Variants in SRPRA observed in about 807,000 individuals in gnomAD.
SRPRA encodes signal recognition particle receptor subunit alpha.
Under a neutral mutation model 61.1 loss-of-function variants are expected in SRPRA, and 30 were observed. The ratio of observed to expected loss-of-function variants is 0.49; its 90% CI spans 0.37 to 0.67. The LOEUF (loss-of-function observed/expected upper bound fraction) is 0.67. Ranked by LOEUF, SRPRA falls within the 30% of genes least tolerant of loss-of-function variation. The pLI is 0.00. For synonymous variants in SRPRA, 324 were observed against 299.7 expected (o/e 1.08, Z -0.84); for missense variants, 759 against 828.4 (o/e 0.92, Z 1.03).
At chr11:126,262,233 A>C, downstream of SRPRA, 1 of 1,349,220 alleles carries the variant, frequency 7.4e-7, no homozygotes, top group Non-Finnish European at 1.1e-6. Context: ...CAATTCCCAG[A>C]AAGTAACAAT....
At chr11:126,255,422 T>C in the SRPRA span, among the ~76,000 whole-genome samples, 1 of 152,186 alleles carries the variant, frequency 6.6e-6, no homozygotes, top group Admixed American at 6.5e-5. The surrounding 1 kb of genome is among the most constrained non-coding windows in gnomAD (Gnocchi z 4.6). Context: ...CTGCCATAAC[T>C]GCATCCATCT....
At chr11:126,236,876 T>A in the SRPRA span, among the ~76,000 whole-genome samples, 1 of 151,722 alleles carries the variant, frequency 6.6e-6, no homozygotes, top group African/African-American at 2.4e-5. Flanking sequence ...TCTTTTTGTT[T>A]GTTCATTTTT....
intron 7 of SRPRA, 45 bp from the exon 8 acceptor site, chr11:126,266,126 G>T: frequency 6.2e-7 from 1 of 1,612,674 alleles, no homozygotes; most frequent in Non-Finnish European, 8.5e-7. Flanking sequence ...CCAGTAGGCA[G>T]GAGTTGTATC....
At chr11:126,250,662 A>G in the SRPRA span, 1 of 1,614,136 alleles carries the variant, frequency 6.2e-7, no homozygotes, top group African/African-American at 1.3e-5. This position sits in a 1 kb window ranked among gnomAD's most constrained non-coding sequence, Gnocchi z 5.1. Context: ...AAATTTTGAT[A>G]ATCTCTTGGA....
In SRPRA at chr11:126,266,874, G is replaced by C; in HGVS notation, c.575C>G (p.Ser192Ter). Reference sequence around the variant, plus strand: ...GTTCTCAGGACCCACTGGAAGACCTGACTTTTCTGCAGGGACTGGTTTGCT... The same window carrying C: ...GTTCTCAGGACCCACTGGAAGACCTCACTTTTCTGCAGGGACTGGTTTGCT... ...ATSKPVPAEK[S>*]GLPVGPENGV... Residue 192 changes from serine (S) to a stop codon, truncating the protein, a stop_gained, in exon 5 of 14, where the codon TCA (serine) becomes TGA (stop). Coordinates refer to ENST00000332118, the MANE Select transcript of SRPRA (RefSeq NM_003139.4). LOFTEE classifies it high-confidence loss of function. The C allele has an allele frequency of 6.2e-7, 1 of 1,614,202 alleles. No homozygotes were observed. The highest frequency in any genetic ancestry group is 8.5e-7 in the Non-Finnish European group (1 of 1,180,044).
Position 126,268,851 on chromosome 11 carries a change from G to A in SRPRA, c.-47C>T. 6.7e-7 allele frequency: 1 copy of A among 1,488,822 alleles called. No individual in the cohort carries two copies. Among genetic ancestry groups the A allele is most frequent in the Non-Finnish European group, 9.4e-7 (1 of 1,069,512 alleles). The allele number at this position is 1,488,822 out of a possible 1,614,324, so 92.2% of individuals were successfully genotyped here. On this transcript the variant is annotated 5_prime_UTR_variant, in exon 1 of 14. Coordinates refer to ENST00000332118, the MANE Select transcript of SRPRA (RefSeq NM_003139.4). ...GGGGCCGGCGCCGGGAATTCAGGCC[G>A]CGTTCGCCGCCGCTTCCTGCTGCGC...
intron 1 of SRPRA, 103 bp from the exon 2 acceptor site, chr11:126,268,189 A>C: frequency 1.1e-6 from 1 of 951,398 alleles, no homozygotes; most frequent in Admixed American, 2.1e-5. Flanking sequence ...ATTTCCCCCA[A>C]ACTCAAATCT....
chr11:126,254,193 C>T, the SRPRA span: 2 of 1,297,176 alleles, frequency 1.5e-6, no homozygotes, highest in Non-Finnish European at 2.1e-6. Context: ...TATCATGAAG[C>T]TAGAGAGTTT....
Position 126,265,837 on chromosome 11 carries a change from G to A in SRPRA, c.1052-14C>T, listed in dbSNP as rs576127827. On this transcript the variant is annotated splice_polypyrimidine_tract_variant and intron_variant, in intron 8 of 13. Coordinates refer to ENST00000332118, the MANE Select transcript of SRPRA (RefSeq NM_003139.4). The surrounding 1 kb of genome is among the most constrained non-coding windows in gnomAD (Gnocchi z 6.3). The stretch of plus-strand genomic sequence containing the variant: ...CCACGTTCTTAGCTGAGGAGAGGGG[G>A]ACAGGTATGTCAGTTCCATGTCAGC... 7 of 1,614,152 alleles carry A rather than the reference G, an allele frequency of 4.3e-6. No homozygotes were observed. Among genetic ancestry groups the A allele is most frequent in the African/African-American group, 4.0e-5 (3 of 75,062 alleles).
At chr11:126,239,190 G>A in the SRPRA span, among the ~76,000 whole-genome samples, 2 of 152,048 alleles carry the variant, frequency 1.3e-5, no homozygotes, top group African/African-American at 4.8e-5. Flanking sequence ...GCCTAGGCTT[G>A]TCTCAAACTC....
At chr11:126,249,780 A>G in the SRPRA span, among the ~76,000 whole-genome samples, 3 of 150,196 alleles carry the variant, frequency 2.0e-5, no homozygotes, top group Non-Finnish European at 4.4e-5. Context: ...ATGCCAAACC[A>G]CAATTAGGGC....
intron 7 of SRPRA, 44 bp from the exon 8 acceptor site, chr11:126,266,125 A>G: frequency 6.2e-7 from 1 of 1,612,742 alleles, no homozygotes; most frequent in East Asian, 2.2e-5. Context: ...ACCAGTAGGC[A>G]GGAGTTGTAT....
At chr11:126,255,850 G>A in the SRPRA span, among the ~76,000 whole-genome samples, 1 of 152,112 alleles carries the variant, frequency 6.6e-6, no homozygotes, top group African/African-American at 2.4e-5. This position sits in a 1 kb window ranked among gnomAD's most constrained non-coding sequence, Gnocchi z 4.6. Flanking sequence ...CTACTTGGGA[G>A]TCTGAGGCAG....
the SRPRA span, among the ~76,000 whole-genome samples, chr11:126,239,264 A>C: frequency 6.6e-6 from 1 of 152,168 alleles, no homozygotes; most frequent in African/African-American, 2.4e-5. Context: ...CACTTAGCCA[A>C]ATTGGAAGTC....
the SRPRA span, among the ~76,000 whole-genome samples, chr11:126,243,514 A>T: frequency 1.3e-5 from 2 of 152,070 alleles, no homozygotes; most frequent in African/African-American, 4.8e-5. Flanking sequence ...TCTCTTAGGA[A>T]CATGGACACA....
chr11:126,251,579 C>T, the SRPRA span, among the ~76,000 whole-genome samples: 1 of 152,200 alleles, frequency 6.6e-6, no homozygotes, highest in Admixed American at 6.5e-5. Flanking sequence ...CCCTCATATT[C>T]TGTATGGTCA....
the SRPRA span, among the ~76,000 whole-genome samples, chr11:126,239,345 A>G: frequency 6.6e-6 from 1 of 152,170 alleles, no homozygotes; most frequent in Admixed American, 6.5e-5. Flanking sequence ...TATAAAATGA[A>G]AAGTAAAAAG....
the SRPRA span, among the ~76,000 whole-genome samples, chr11:126,255,955 CAAAAAT>C: frequency 6.6e-6 from 1 of 151,804 alleles, no homozygotes; most frequent in Non-Finnish European, 1.5e-5. This position sits in a 1 kb window ranked among gnomAD's most constrained non-coding sequence, Gnocchi z 4.6. Context: ...GACTCTGTCT[CAAAAAT>C]AAAATAAAAA....
rs763210727 is a variant in SRPRA at position 126,264,082 on chromosome 11, C to T, written c.1789-38G>A. 2.5e-6 allele frequency: 4 copies of T among 1,613,760 alleles called. No individual in the cohort carries two copies. The highest frequency in any genetic ancestry group is 3.4e-6 in the Non-Finnish European group (4 of 1,179,784). ...AGAGGACAGCCCATCAACACAAGCC[C>T]ACTTTTCACTCACCCTCTCAGGAAC... On this transcript the variant is annotated intron_variant, in intron 13 of 13. Transcript: ENST00000332118. This position sits in a 1 kb window ranked among gnomAD's most constrained non-coding sequence, Gnocchi z 5.0.
Sources: allele counts gnomAD v4.1 joint callset (sites outside exome capture counted in the v4.1 genomes callset), GRCh38; gene constraint gnomAD v4.1.1; non-coding constraint Gnocchi (gnomAD v3.1); transcripts MANE v1.5; gene names NCBI Gene and HGNC (gene_info 2026-07-23, HGNC 2026-07-21).